The following CHN2 variants were observed in gnomAD, a reference collection of about 807,000 sequenced individuals.
The protein encoded by CHN2 is chimerin 2.
In CHN2, 35 loss-of-function variants were observed where a neutral mutation model predicts 56.3. The observed-to-expected ratio is 0.62, with a 90% CI of 0.47 to 0.82. CHN2 has a LOEUF of 0.82. Among genes scored for constraint, CHN2 ranks in the 40% least tolerant of loss-of-function variants. The pLI, the probability that CHN2 is intolerant of heterozygous loss-of-function variation, is 0.00. For missense variants in CHN2, 491 were observed against 580.5 expected, an observed-to-expected ratio of 0.85 and a Z score of 1.58; for synonymous variants, 210 against 212.8, an observed-to-expected ratio of 0.99 and a Z score of 0.12.
intron 10 of CHN2, among the ~76,000 whole-genome samples, chr7:29,506,569 G>A (rs1790590288): frequency 6.6e-6 from 1 of 152,122 alleles, no homozygotes; most frequent in African/African-American, 2.4e-5. Flanking sequence ...CCCAGGAGGT[G>A]GAGGTTGCAG....
At chr7:29,169,463 T>G (rs1212718866) in intron 2 of CHN2, among the ~76,000 whole-genome samples, 1 of 152,206 alleles carries the variant, frequency 6.6e-6, no homozygotes, top group Non-Finnish European at 1.5e-5. Context: ...TATATAAATG[T>G]TTATATACAA....
Position 29,307,346 on chromosome 7 carries a change from A to T in CHN2, c.50-47279A>T, listed in dbSNP as rs1474298713. Among the ~76,000 whole-genome samples the T allele has an allele frequency of 2.0e-5, 3 of 152,228 alleles. No homozygotes were observed. The East Asian group carries it at 5.8e-4, about 29-fold the overall frequency. On this transcript the variant is annotated intron_variant, in intron 1 of 12. Coordinates refer to ENST00000222792, the MANE Select transcript of CHN2 (RefSeq NM_004067.4). ...CAGTTTGAAGGGAAAGAATAAAAGGAGTCTATGAGTTACAAGGTTGGTGAG... is the reference window on the plus strand; with the variant it reads ...CAGTTTGAAGGGAAAGAATAAAAGGTGTCTATGAGTTACAAGGTTGGTGAG...
intron 3 of CHN2, among the ~76,000 whole-genome samples, chr7:29,387,375 C>G (rs1800998150): frequency 6.6e-6 from 1 of 152,210 alleles, no homozygotes; most frequent in Non-Finnish European, 1.5e-5. Flanking sequence ...GAGCAAGGGT[C>G]CACATGCATA....
chr7:29,211,766 T>C (rs1287453747), intron 1 of CHN2, among the ~76,000 whole-genome samples: 1 of 152,204 alleles, frequency 6.6e-6, no homozygotes, highest in Admixed American at 6.5e-5. Flanking sequence ...TTAATCATAA[T>C]GTTCAAGGAG....
chr7:29,235,364 T>C (rs551538088), intron 1 of CHN2, among the ~76,000 whole-genome samples: 1 of 152,276 alleles, frequency 6.6e-6, no homozygotes, highest in Non-Finnish European at 1.5e-5. Flanking sequence ...GAATGGCTGT[T>C]ATTAAAAAGT....
intron 2 of CHN2, among the ~76,000 whole-genome samples, chr7:29,172,568 G>A (rs184352164): frequency 1.2e-3 from 182 of 152,268 alleles, no homozygotes; most frequent in African/African-American, 4.0e-3. Flanking sequence ...AATTATTCAT[G>A]TTAACACCCT....
chr7:29,308,043 G>T (rs1232241410), intron 1 of CHN2, among the ~76,000 whole-genome samples: 2 of 152,226 alleles, frequency 1.3e-5, no homozygotes, highest in African/African-American at 4.8e-5. Context: ...TCAGCTAATA[G>T]TGTCTACTGG....
At chr7:29,278,958 G>T (rs540498274) in intron 1 of CHN2, among the ~76,000 whole-genome samples, 2 of 151,294 alleles carry the variant, frequency 1.3e-5, no homozygotes, top group Admixed American at 6.6e-5. Flanking sequence ...CCCCAGGCCT[G>T]TCTCCCTCCA....
chr7:29,190,873 T>C (rs1344962205), upstream of CHN2, among the ~76,000 whole-genome samples: 2 of 151,930 alleles, frequency 1.3e-5, no homozygotes, highest in African/African-American at 4.8e-5. Context: ...TGAGCACCTA[T>C]TGTATGCAAA....
chr7:29,350,259 A>G (rs1797781589), intron 1 of CHN2, among the ~76,000 whole-genome samples: 2 of 152,002 alleles, frequency 1.3e-5, no homozygotes, highest in Admixed American at 1.3e-4. Context: ...TTGCCAAATG[A>G]CAAAGTGAAC....
chr7:29,188,843 AT>A (rs1344974110), intron 2 of CHN2, among the ~76,000 whole-genome samples: 1 of 152,080 alleles, frequency 6.6e-6, no homozygotes, highest in Admixed American at 6.5e-5. Context: ...AATCATTTCT[AT>A]AGCTATTTTA....
At chr7:29,250,374 T>A (rs1034748154) in intron 1 of CHN2, among the ~76,000 whole-genome samples, 4 of 152,338 alleles carry the variant, frequency 2.6e-5, no homozygotes, top group African/African-American at 9.6e-5. Context: ...GATAATTCTA[T>A]AACAGAGTTA....
At chr7:29,232,350 T>G (rs2128802379) in intron 1 of CHN2, among the ~76,000 whole-genome samples, 1 of 152,346 alleles carries the variant, frequency 6.6e-6, no homozygotes, top group Non-Finnish European at 1.5e-5. Context: ...TTTCTCTAGT[T>G]TAGTGGCCAG....
At chr7:29,290,300 G>A (rs1265812231) in intron 1 of CHN2, among the ~76,000 whole-genome samples, 1 of 152,204 alleles carries the variant, frequency 6.6e-6, no homozygotes, top group East Asian at 1.9e-4. Flanking sequence ...TTTATGCAAA[G>A]GAACCCAGCA....
intron 6 of CHN2, among the ~76,000 whole-genome samples, chr7:29,453,252 TG>T (rs1202758391): frequency 3.3e-5 from 5 of 152,256 alleles, no homozygotes; most frequent in Non-Finnish European, 5.9e-5. Flanking sequence ...TGCACTCTGC[TG>T]GTTGGATTTG....
chr7:29,332,500 G>A (rs1176754717), intron 1 of CHN2, among the ~76,000 whole-genome samples: 1 of 152,120 alleles, frequency 6.6e-6, no homozygotes, highest in Admixed American at 6.5e-5. Context: ...CTTTTCCCGG[G>A]CTGGTGATAC....
intron 1 of CHN2, among the ~76,000 whole-genome samples, chr7:29,268,476 A>G (rs1345355997): frequency 6.6e-6 from 1 of 152,164 alleles, no homozygotes; most frequent in Non-Finnish European, 1.5e-5. Flanking sequence ...TTTGAAGATA[A>G]TAAATAGAGG....
At chr7:29,335,627 G>A (rs933261945) in intron 1 of CHN2, 3 of 152,236 alleles carry the variant, frequency 2.0e-5, no homozygotes, top group African/African-American at 4.8e-5. Context: ...GAGCCTGCAT[G>A]TGTCAGGTAA....
In CHN2 at chr7:29,273,343, GTATATATATATATATATATATATA is replaced by G. The variant is rs55722880; in HGVS notation, c.49+78376_49+78399del. ...CCATCATGCATATATATATATATGT[GTATATATATATATATATATATATA>G]TATATATATATATATATATATACAC... On this transcript the variant is annotated intron_variant, in intron 1 of 12. Transcript: ENST00000222792. Among the ~76,000 whole-genome samples, 199 of 58,192 alleles carry G rather than the reference GTATATATATATATATATATATATA, an allele frequency of 3.4e-3. 13 individuals are homozygous for G. In the South Asian group the frequency reaches 0.052, roughly 15 times the overall value. The allele number at this position is 58,192 out of a possible 152,430, so 38.2% of individuals were successfully genotyped here.
Sources: gnomAD v4.1 joint callset for allele counts (sites outside exome capture counted in the v4.1 genomes callset) on GRCh38, gnomAD v4.1.1 for gene constraint, MANE v1.5 for transcripts, NCBI Gene and HGNC (gene_info 2026-07-23, HGNC 2026-07-21) for gene names.